Variants in KRT73 observed in about 807,000 individuals in gnomAD.
KRT73 encodes keratin, type II cytoskeletal 73.
In KRT73, 44 loss-of-function variants were observed where a neutral mutation model predicts 47.2. The ratio of observed to expected loss-of-function variants is 0.93; its 90% CI spans 0.73 to 1.20. The LOEUF is 1.20. Among genes scored for constraint, KRT73 ranks in the 50% most tolerant of loss-of-function variants. KRT73 has a pLI of 0.00. For synonymous variants in KRT73, 285 were observed against 291.3 expected, an observed-to-expected ratio of 0.98 and a Z score of 0.22; for missense variants, 713 against 704.5, an observed-to-expected ratio of 1.01 and a Z score of -0.14.
At chr12:52,621,519 A>T (rs1044249501), upstream of KRT73, among the ~76,000 whole-genome samples, 3 of 152,164 alleles carry the variant, frequency 2.0e-5, no homozygotes, top group African/African-American at 7.2e-5. Context: ...AGTGAAAGAC[A>T]TGATGATTAT....
At chr12:52,627,556 G>C in the KRT73 span, among the ~76,000 whole-genome samples, 5 of 152,290 alleles carry the variant, frequency 3.3e-5, no homozygotes, top group East Asian at 9.6e-4. Context: ...TGCCTTCTGA[G>C]CAAAGCAGGA....
At position 52,610,635 on chromosome 12, in the gene KRT73, C is replaced by T. The variant is rs1940678887; in HGVS notation, c.1311G>A (p.Leu437=). 1.2e-6 allele frequency: 2 copies of T among 1,613,408 alleles called. No homozygotes were observed. The highest frequency in any genetic ancestry group is 2.2e-5 in the South Asian group (2 of 91,014). Residue 437 remains leucine, a synonymous_variant, in exon 7 of 9, where the codon CTG becomes CTA. Coordinates refer to ENST00000305748, the MANE Select transcript of KRT73 (RefSeq NM_175068.3). ...CCCACCTGCACTCCTCGCCCTCCAG[C>T]AGCTTGCGGTAGGTGGCGATCTCAA... ...LDIEIATYRK[L]LEGEECRMSG...
chr12:52,608,141 C>T lies in KRT73; in HGVS notation c.*55G>A, dbSNP rs1039999071. ...GACAGAGGAATTTCCTAGAAGAGTC[C>T]GGAGCAGTCTGCCAGGGCAAGGCAG... On this transcript the variant is annotated 3_prime_UTR_variant, in exon 9 of 9. Coordinates refer to ENST00000305748, the MANE Select transcript of KRT73 (RefSeq NM_175068.3). The T allele has an allele frequency of 1.8e-5, 28 of 1,553,500 alleles. No homozygotes were observed. Among genetic ancestry groups the T allele is most frequent in the African/African-American group, 1.6e-4 (12 of 73,360 alleles).
rs1222160820 is a variant in KRT73, at chr12:52,613,744, A to G, written c.928T>C (p.Tyr310His). The change falls in exon 5 of 9, where the codon TAT (tyrosine) becomes CAT (histidine). Residue 310 changes from tyrosine to histidine, a missense_variant. Coordinates refer to ENST00000305748, the MANE Select transcript of KRT73 (RefSeq NM_175068.3). ...TTGCTCTTCCGGGCGATCTCCTCAT[A>G]CTGGGCACGGACCTCAGCAATGATG... ...DSIIAEVRAQYEEIARKSKAE... is the reference protein window; with the variant it reads ...DSIIAEVRAQHEEIARKSKAE... The G allele has an allele frequency of 1.2e-6, 2 of 1,614,148 alleles. No individual in the cohort carries two copies. Among genetic ancestry groups the G allele is most frequent in the Non-Finnish European group, 1.7e-6 (2 of 1,180,024 alleles).
At position 52,609,286 on chromosome 12, in the gene KRT73, A is replaced by C; in HGVS notation, c.1332-5T>G. ...TTGGTATATTCTCCGGACATCCTGC[A>C]AGAGAGAAAAGCACAGGAGAGTCTG... On this transcript the variant is annotated splice_region_variant and splice_polypyrimidine_tract_variant and intron_variant, in intron 7 of 8. Transcript: ENST00000305748. The C allele has an allele frequency of 6.2e-7, 1 of 1,613,250 alleles. No homozygotes were observed. The highest frequency in any genetic ancestry group is 8.5e-7 in the Non-Finnish European group (1 of 1,179,240).
In KRT73 at chr12:52,611,302, G is replaced by A. The variant is rs150273425; in HGVS notation, c.1012C>T (p.Arg338Trp). The A allele has an allele frequency of 3.9e-4, 636 of 1,614,112 alleles. 17 individuals carry two copies. The South Asian group carries it at 6.5e-3, about 16-fold the overall frequency. The part of the protein sequence containing the change: ...KFQELQLAAG[R>W]HGDDLKHTKN... ...GTGTGTTTCAGGTCATCCCCATGCC[G>A]GCCGGCTGCTAGCTGCAGCTCCTGG... Residue 338 changes from arginine to tryptophan, a missense_variant, in exon 6 of 9, where the codon CGG becomes TGG. Transcript: ENST00000305748.
the KRT73 span, among the ~76,000 whole-genome samples, chr12:52,628,717 G>A: frequency 1.3e-5 from 2 of 152,176 alleles, no homozygotes; most frequent in Admixed American, 1.3e-4. Context: ...AGACAAGGGA[G>A]AAGGTGACTG....
chr12:52,611,090 C>T (rs1940691511), intron 6 of KRT73, 114 bp downstream of exon 6: 3 of 1,343,212 alleles, frequency 2.2e-6, no homozygotes, highest in Non-Finnish European at 3.1e-6. Context: ...AGCAGGACCT[C>T]CATTTGAAGA....
chr12:52,618,885 G>A (rs1940863525), upstream of KRT73, among the ~76,000 whole-genome samples: 1 of 152,232 alleles, frequency 6.6e-6, no homozygotes, highest in South Asian at 2.1e-4. Context: ...GATTGTAGGG[G>A]TACAGAGGGG....
the KRT73 span, among the ~76,000 whole-genome samples, chr12:52,625,929 A>T: frequency 6.6e-6 from 1 of 152,216 alleles, no homozygotes; most frequent in Non-Finnish European, 1.5e-5. Flanking sequence ...ACTCTCAAAA[A>T]GATTCCATTT....
chr12:52,623,133 C>T (rs1940927674), upstream of KRT73, among the ~76,000 whole-genome samples: 1 of 152,198 alleles, frequency 6.6e-6, no homozygotes, highest in African/African-American at 2.4e-5. Context: ...ATTCAGGAAG[C>T]TGAGCAAACC....
chr12:52,610,662 A>G lies in KRT73; in HGVS notation c.1284T>C (p.Asp428=). The G allele has an allele frequency of 1.9e-6, 3 of 1,613,162 alleles. No individual in the cohort carries two copies. Among genetic ancestry groups the G allele is most frequent in the Non-Finnish European group, 2.5e-6 (3 of 1,179,834 alleles). ...QELLSVKLSL[D]IEIATYRKLL... ...GCTTGCGGTAGGTGGCGATCTCAAT[A>G]TCCAGGGACAGCTTCACGCTCAAAA... Residue 428 remains aspartate (D), a synonymous_variant, in exon 7 of 9, where the codon GAT becomes GAC. Transcript: ENST00000305748.
At chr12:52,614,040 G>T in intron 4 of KRT73, 188 bp from the exon 5 acceptor site, 1 of 761,732 alleles carries the variant, frequency 1.3e-6, no homozygotes, top group Non-Finnish European at 2.0e-6. Context: ...TGCTGAATGG[G>T]TTTGAAGCAG....
intron 5 of KRT73, chr12:52,612,727 T>C (rs1347956135): frequency 6.6e-6 from 1 of 152,234 alleles, no homozygotes; most frequent in Non-Finnish European, 1.5e-5. Flanking sequence ...TAAATGCTTC[T>C]TTCCCAGAGT....
intron 1 of KRT73, among the ~76,000 whole-genome samples, chr12:52,617,771 T>C (rs1326365698): frequency 6.6e-6 from 1 of 152,168 alleles, no homozygotes; most frequent in African/African-American, 2.4e-5. Flanking sequence ...GCCTCTGATG[T>C]CCAGGCTTTG....
In KRT73 at chr12:52,613,758, T is replaced by A; in HGVS notation, c.914A>T (p.Glu305Val). The A allele has an allele frequency of 6.2e-7, 1 of 1,612,578 alleles. No homozygotes were observed. Among genetic ancestry groups the A allele is most frequent in the Non-Finnish European group, 8.5e-7 (1 of 1,179,054 alleles). ...RNLDLDSIIA[E>V]VRAQYEEIAR... ...GATCTCCTCATACTGGGCACGGACCTCAGCAATGATGCTGTCCAGGTCCAG... is the reference window on the plus strand; with the variant it reads ...GATCTCCTCATACTGGGCACGGACCACAGCAATGATGCTGTCCAGGTCCAG... Residue 305 changes from glutamate to valine, a missense_variant, in exon 5 of 9, where the codon GAG (glutamate) becomes GTG (valine). Transcript: ENST00000305748.
intron 6 of KRT73, 127 bp downstream of exon 6, chr12:52,611,077 G>A (rs1376594659): frequency 8.1e-7 from 1 of 1,230,116 alleles, no homozygotes; most frequent in East Asian, 2.3e-5. Context: ...GGTGAGGGAT[G>A]AGAGCAGGAC....
chr12:52,616,478 T>A, intron 1 of KRT73, 98 bp from the exon 2 acceptor site: 1 of 1,455,702 alleles, frequency 6.9e-7, no homozygotes, highest in Non-Finnish European at 9.4e-7. Flanking sequence ...ACATTAGCTT[T>A]AAAAATGAGC....
At chr12:52,617,992 C>T in intron 1 of KRT73, 86 bp downstream of exon 1, 1 of 1,418,592 alleles carries the variant, frequency 7.0e-7, no homozygotes, top group Non-Finnish European at 9.6e-7. Flanking sequence ...TGCTCTCAGG[C>T]AAATTGAACC....
Sources: allele counts gnomAD v4.1 joint callset (sites outside exome capture counted in the v4.1 genomes callset), GRCh38; gene constraint gnomAD v4.1.1; transcripts MANE v1.5; gene names NCBI Gene and HGNC (gene_info 2026-07-23, HGNC 2026-07-21).